Variants in ZNF7 observed in about 807,000 individuals in gnomAD.
ZNF7 encodes C2-H2 type zinc finger protein.
A neutral mutation model predicts 12.0 loss-of-function variants in ZNF7; 10 were observed. The observed-to-expected ratio is 0.83, with a 90% CI of 0.51 to 1.42. The LOEUF is 1.42. ZNF7 is among the 40% of genes most tolerant of loss of function. The pLI, the probability that ZNF7 is intolerant of heterozygous loss-of-function variation, is 0.00. For missense variants in ZNF7, 854 were observed against 837.2 expected (o/e 1.02, Z -0.25); for synonymous variants, 334 against 295.0 (o/e 1.13, Z -1.35).
intron 2 of ZNF7, 79 bp from the exon 3 acceptor site, chr8:144,829,399 C>A: frequency 6.3e-7 from 1 of 1,598,688 alleles, no homozygotes; most frequent in Non-Finnish European, 8.5e-7. Flanking sequence ...GGGGCAGCTG[C>A]CTGAGACATG....
rs569169330 is a variant in ZNF7, at chr8:144,843,210, A to T, written c.*42A>T. 6.6e-7 allele frequency: 1 copy of T among 1,508,458 alleles called. No individual in the cohort carries two copies. Among genetic ancestry groups the T allele is most frequent in the East Asian group, 2.3e-5 (1 of 43,988 alleles). 93.4% of individuals were successfully genotyped at this position (1,508,458 alleles called of 1,614,324 possible). On this transcript the variant is annotated 3_prime_UTR_variant, in exon 5 of 5. Coordinates refer to ENST00000532777, the MANE Select transcript of ZNF7 (RefSeq NM_003416.4). ...TGTGTATATATGTGAATAAACCTATAGCCTTAACTTACTTATTTTATATGG... is the reference window on the plus strand; with the variant it reads ...TGTGTATATATGTGAATAAACCTATTGCCTTAACTTACTTATTTTATATGG...
rs758526761 is a variant in ZNF7 at position 144,841,812 on chromosome 8, C to T, written c.705C>T (p.Cys235=). 33 of 1,614,042 alleles carry T rather than the reference C, an allele frequency of 2.0e-5. No homozygotes were observed. The highest frequency in any genetic ancestry group is 2.7e-5 in the Non-Finnish European group (32 of 1,180,048). ...CQECQKKLSD[C]LQGKHTNNCH... is the part of the protein sequence containing the mutation. ...AATGCCAAAAAAAGTTATCTGACTG[C>T]TTGCAGGGGAAACATACAAATAACT... The change falls in exon 5 of 5, where the codon TGC becomes TGT. Residue 235 remains cysteine (C), a synonymous_variant. Transcript: ENST00000532777.
At chr8:144,844,732 A>C (rs897326066), downstream of ZNF7, among the ~76,000 whole-genome samples, 94 of 135,332 alleles carry the variant, frequency 6.9e-4, no homozygotes, top group African/African-American at 2.4e-3. Flanking sequence ...AAAAAAAAAA[A>C]AAAACGAAAA....
chr8:144,828,665 C>G (rs907610852), intron 1 of ZNF7: 1 of 241,222 alleles, frequency 4.1e-6, no homozygotes, highest in Admixed American at 4.8e-5. Context: ...GTTCCCTGTA[C>G]TTGAGCGCTG....
rs530781205 is a variant in ZNF7, at chr8:144,841,266, G to T, written c.248-89G>T. The T allele has an allele frequency of 7.3e-5, 99 of 1,349,524 alleles. No individual in the cohort carries two copies. The South Asian group carries it at 1.4e-3, about 19-fold the overall frequency. 83.6% of individuals were successfully genotyped at this position (1,349,524 alleles called of 1,614,324 possible). Reference sequence around the variant, plus strand: ...ACAGTGCTCAGTGCAACTATCCTGGGAGCCTTGAGCCCTGGCCCCCGCATT... The same window carrying T: ...ACAGTGCTCAGTGCAACTATCCTGGTAGCCTTGAGCCCTGGCCCCCGCATT... On this transcript the variant is annotated intron_variant, in intron 4 of 4. Coordinates refer to ENST00000532777, the MANE Select transcript of ZNF7 (RefSeq NM_003416.4).
In ZNF7 at chr8:144,843,282, A is replaced by G; in HGVS notation, c.*114A>G. On this transcript the variant is annotated 3_prime_UTR_variant, in exon 5 of 5. Transcript: ENST00000532777. ...TGTAGAATGTTGGTAAAGGTTCAGA[A>G]TTGCTCTCAAGAATATCCAACTTCA... is the stretch of plus-strand genomic sequence containing the variant. The G allele has an allele frequency of 7.6e-7, 1 of 1,313,314 alleles. No individual in the cohort carries two copies. The highest frequency in any genetic ancestry group is 1.0e-6 in the Non-Finnish European group (1 of 972,528). The allele number at this position is 1,313,314 out of a possible 1,614,324, so 81.4% of individuals were successfully genotyped here.
At position 144,843,059 on chromosome 8, in the gene ZNF7, T is replaced by C. The variant is rs761791224; in HGVS notation, c.1952T>C (p.Ile651Thr). Reference protein sequence around the residue: ...KIFRWRSHLIIHQRIHTGEKP... With the variant: ...KIFRWRSHLITHQRIHTGEKP... ...TTTAGGTGGCGTTCACACCTAATTATACACCAGAGAATTCACACCGGGGAG... is the reference window on the plus strand; with the variant it reads ...TTTAGGTGGCGTTCACACCTAATTACACACCAGAGAATTCACACCGGGGAG... Residue 651 changes from isoleucine (I) to threonine (T), a missense_variant, in exon 5 of 5, where the codon ATA becomes ACA. Transcript: ENST00000532777. 1.2e-6 allele frequency: 2 copies of C among 1,614,034 alleles called. No individual in the cohort carries two copies. The highest frequency in any genetic ancestry group is 1.7e-6 in the Non-Finnish European group (2 of 1,179,986).
downstream of ZNF7, among the ~76,000 whole-genome samples, chr8:144,844,589 A>G (rs192099186): frequency 3.0e-4 from 46 of 151,904 alleles, 1 homozygote; most frequent in East Asian, 5.6e-3. Flanking sequence ...GGGCACCTGT[A>G]GTCTCAGCTA....
intron 4 of ZNF7, 123 bp from the exon 5 acceptor site, chr8:144,841,232 T>TG (rs1829866245): frequency 4.1e-6 from 4 of 978,114 alleles, no homozygotes; most frequent in African/African-American, 3.2e-5. Flanking sequence ...CGTTTCCACC[T>TG]GGGGCCTCAC....
downstream of ZNF7, among the ~76,000 whole-genome samples, chr8:144,844,707 A>C (rs2130748653): frequency 7.5e-6 from 1 of 134,064 alleles, no homozygotes; most frequent in Non-Finnish European, 1.6e-5. Context: ...GTGACTCTGT[A>C]TCAAAAAAAA....
downstream of ZNF7, among the ~76,000 whole-genome samples, chr8:144,844,727 A>G (rs908889858): frequency 1.5e-3 from 170 of 114,778 alleles, 3 homozygotes; most frequent in Admixed American, 1.2e-3. Context: ...AAAAAAAAAA[A>G]AAAAAAAAAC....
chr8:144,837,844 G>A (rs904254728), intron 4 of ZNF7, among the ~76,000 whole-genome samples: 1 of 152,176 alleles, frequency 6.6e-6, no homozygotes, highest in African/African-American at 2.4e-5. Flanking sequence ...CAAGTGAAGG[G>A]TTAGGTTTGG....
intron 3 of ZNF7, chr8:144,835,696 C>G (rs1359717230): frequency 1.3e-5 from 2 of 152,112 alleles, no homozygotes; most frequent in South Asian, 2.1e-4. Flanking sequence ...TTCTCTAGCT[C>G]TCTGAATCCT....
intron 1 of ZNF7, chr8:144,827,871 G>C: frequency 5.4e-6 from 1 of 186,528 alleles, no homozygotes; most frequent in Non-Finnish European, 1.0e-5. Flanking sequence ...TGGCGGCCAC[G>C]GTGTCCGGGG....
rs1020114581 is a variant in ZNF7 at position 144,843,068 on chromosome 8, G to A, written c.1961G>A (p.Arg654Lys). The A allele has an allele frequency of 1.9e-6, 3 of 1,613,940 alleles. No homozygotes were observed. The highest frequency in any genetic ancestry group is 2.7e-5 in the African/African-American group (2 of 74,924). The change falls in exon 5 of 5, where the codon AGA (arginine) becomes AAA (lysine). Residue 654 changes from arginine to lysine, a missense_variant. Arg to Lys is a conservative substitution (Grantham distance 26). Coordinates refer to ENST00000532777, the MANE Select transcript of ZNF7 (RefSeq NM_003416.4). ...RWRSHLIIHQ[R>K]IHTGEKPYKC... ...CGTTCACACCTAATTATACACCAGA[G>A]AATTCACACCGGGGAGAAGCCTTAT... is the stretch of plus-strand genomic sequence containing the variant.
At chr8:144,839,868 G>A (rs1829638110) in intron 4 of ZNF7, among the ~76,000 whole-genome samples, 1 of 152,240 alleles carries the variant, frequency 6.6e-6, no homozygotes, top group African/African-American at 2.4e-5. Flanking sequence ...CGTGCCCCCT[G>A]CTGGGTGGTT....
chr8:144,829,605 G>A lies in ZNF7; in HGVS notation c.130+1G>A. On this transcript the variant is annotated splice_donor_variant, in intron 3 of 4. Coordinates refer to ENST00000532777, the MANE Select transcript of ZNF7 (RefSeq NM_003416.4). LOFTEE classifies it high-confidence loss of function. Reference sequence around the variant, plus strand: ...AACCACAGCAGTGTGGCTGGACTAGGTGAGGCTGCACCTTGGGGCCCCTTC... The same window carrying A: ...AACCACAGCAGTGTGGCTGGACTAGATGAGGCTGCACCTTGGGGCCCCTTC... 1.2e-6 allele frequency: 2 copies of A among 1,606,186 alleles called. No homozygotes were observed. The highest frequency in any genetic ancestry group is 1.7e-6 in the Non-Finnish European group (2 of 1,174,156).
chr8:144,836,868 A>C (rs1829061538), intron 3 of ZNF7: 2 of 153,032 alleles, frequency 1.3e-5, no homozygotes, highest in African/African-American at 4.8e-5. Flanking sequence ...CGAGGGAGGC[A>C]GGCCCTGAGG....
intron 1 of ZNF7, 157 bp from the exon 2 acceptor site, chr8:144,828,886 C>T (rs1469086125): frequency 1.6e-5 from 14 of 865,860 alleles, no homozygotes; most frequent in Admixed American, 7.7e-5. Context: ...GGGCCTCCTT[C>T]ACTCAAGTGC....
Sources: gnomAD v4.1 joint callset for allele counts (sites outside exome capture counted in the v4.1 genomes callset) on GRCh38, gnomAD v4.1.1 for gene constraint, MANE v1.5 for transcripts, NCBI Gene and HGNC (gene_info 2026-07-23, HGNC 2026-07-21) for gene names.